Variants in RFC3 observed in about 807,000 individuals in gnomAD.
The protein encoded by RFC3 is A1 38 kDa subunit.
RFC3 carries 41 observed loss-of-function variants against 45.1 expected under a neutral mutation model. The ratio of observed to expected loss-of-function variants is 0.91; its 90% CI spans 0.71 to 1.18. The LOEUF (loss-of-function observed/expected upper bound fraction) is 1.18, where lower values mean the gene tolerates loss of function less well. Ranked by LOEUF, RFC3 falls within the 50% of genes most tolerant of loss-of-function variation. The pLI is 0.00. For synonymous variants in RFC3, 149 were observed against 144.0 expected (o/e 1.03, Z -0.25); for missense variants, 423 against 428.1 (o/e 0.99, Z 0.10).
chr13:33,912,189 T>C (rs2082707408), intron 8 of RFC3, among the ~76,000 whole-genome samples: 1 of 152,022 alleles, frequency 6.6e-6, no homozygotes, highest in Non-Finnish European at 1.5e-5. Context: ...GTTTTGCAGG[T>C]CCCAATTTCT....
At chr13:33,935,268 T>C (rs910628049) in intron 8 of RFC3, among the ~76,000 whole-genome samples, 2 of 152,198 alleles carry the variant, frequency 1.3e-5, no homozygotes, top group African/African-American at 4.8e-5. Flanking sequence ...TGCCATCAAC[T>C]TCCTAGTTAT....
chr13:33,914,117 G>A (rs2082719176), intron 8 of RFC3, among the ~76,000 whole-genome samples: 3 of 151,942 alleles, frequency 2.0e-5, no homozygotes, highest in African/African-American at 4.8e-5. Flanking sequence ...ATATTAAGGC[G>A]GTTCATGGTC....
chr13:33,827,223 A>G (rs2082058046), intron 4 of RFC3, among the ~76,000 whole-genome samples: 1 of 152,130 alleles, frequency 6.6e-6, no homozygotes, highest in Non-Finnish European at 1.5e-5. Flanking sequence ...CAGGAATTCA[A>G]GGTTGCAGTG....
chr13:33,898,266 T>G (rs942729738), intron 8 of RFC3, among the ~76,000 whole-genome samples: 2 of 151,958 alleles, frequency 1.3e-5, no homozygotes, highest in Non-Finnish European at 2.9e-5. Flanking sequence ...AACCATTAAA[T>G]AAGCCTCAAC....
rs879789468 is a variant in RFC3, at chr13:33,887,083, C to T, written c.879+51866C>T. On this transcript the variant is annotated intron_variant, in intron 8 of 8. Coordinates refer to the RFC3 transcript ENST00000434425. ...AAGTCTTTGCTATTGTGAATAGTGC[C>T]GCAATAAACATACGTGTGCATGTGT... is the stretch of plus-strand genomic sequence containing the variant. 1.0e-4 allele frequency among the ~76,000 whole-genome samples: 15 copies of T among 145,392 alleles called. 1 individual carries two copies. The East Asian group carries it at 1.6e-3, about 15-fold the overall frequency.
intron 8 of RFC3, among the ~76,000 whole-genome samples, chr13:33,903,911 A>C (rs935523858): frequency 6.6e-6 from 1 of 152,090 alleles, no homozygotes; most frequent in African/African-American, 2.4e-5. Flanking sequence ...GTCCAAAATT[A>C]TGCAAAGAAA....
downstream of RFC3, among the ~76,000 whole-genome samples, chr13:33,839,427 T>C (rs1326862789): frequency 1.3e-5 from 2 of 152,210 alleles, no homozygotes; most frequent in Admixed American, 6.5e-5. Flanking sequence ...CCTAAACTTA[T>C]AAAGCTACAT....
chr13:33,890,075 G>T (rs2082553987), intron 8 of RFC3, among the ~76,000 whole-genome samples: 1 of 152,108 alleles, frequency 6.6e-6, no homozygotes, highest in South Asian at 2.1e-4. Flanking sequence ...TGATGATGGA[G>T]ATAATGACTC....
At chr13:33,932,757 T>C (rs2082860588) in intron 8 of RFC3, among the ~76,000 whole-genome samples, 1 of 152,196 alleles carries the variant, frequency 6.6e-6, no homozygotes, top group Non-Finnish European at 1.5e-5. Context: ...AGTCTATGTA[T>C]TTTTTCTTGA....
chr13:33,825,762 A>G (rs966615450), intron 3 of RFC3, 27 bp from the exon 4 acceptor site: 16 of 1,381,634 alleles, frequency 1.2e-5, no homozygotes, highest in African/African-American at 5.8e-5. Flanking sequence ...AGGGCATACT[A>G]TATACCATTA....
chr13:33,829,780 A>G (rs1344174170), intron 4 of RFC3, 56 bp from the exon 5 acceptor site: 2 of 1,310,190 alleles, frequency 1.5e-6, no homozygotes, highest in Non-Finnish European at 2.2e-6. Flanking sequence ...AGAAAGAGAC[A>G]AGTTAAAGTT....
At chr13:33,885,060 A>G (rs1034360110) in intron 8 of RFC3, among the ~76,000 whole-genome samples, 3 of 152,170 alleles carry the variant, frequency 2.0e-5, no homozygotes, top group African/African-American at 7.2e-5. Context: ...AGACTGCCCT[A>G]TTGAACGGAG....
At chr13:33,929,003 C>T (rs2082835034) in intron 8 of RFC3, among the ~76,000 whole-genome samples, 1 of 152,068 alleles carries the variant, frequency 6.6e-6, no homozygotes, top group African/African-American at 2.4e-5. Flanking sequence ...TTGGCCTTTG[C>T]CCATTCTAAA....
At chr13:33,865,292 T>G (rs139039016) in intron 8 of RFC3, among the ~76,000 whole-genome samples, 83 of 152,264 alleles carry the variant, frequency 5.5e-4, no homozygotes, top group African/African-American at 1.9e-3. Flanking sequence ...TAAGGGGAAT[T>G]TGTTGCATGG....
chr13:33,838,515 G>A (rs116646350), downstream of RFC3, among the ~76,000 whole-genome samples: 1 of 152,242 alleles, frequency 6.6e-6, no homozygotes, highest in African/African-American at 2.4e-5. Context: ...AAGTTAGCCA[G>A]TAGTCTTGAG....
intron 4 of RFC3, 97 bp from the exon 5 acceptor site, chr13:33,829,739 T>C: frequency 2.1e-6 from 2 of 936,936 alleles, no homozygotes; most frequent in Admixed American, 1.8e-5. Context: ...AGGCTTATTA[T>C]TTAGGATTTC....
chr13:33,965,813 C>G (rs931656513), intron 8 of RFC3, among the ~76,000 whole-genome samples: 76 of 152,154 alleles, frequency 5.0e-4, no homozygotes, highest in Non-Finnish European at 8.8e-4. Context: ...TCTCTAAGCA[C>G]CTGGACAGGG....
intron 8 of RFC3, among the ~76,000 whole-genome samples, chr13:33,911,730 A>T (rs2082704817): frequency 6.6e-6 from 1 of 152,000 alleles, no homozygotes; most frequent in Non-Finnish European, 1.5e-5. Context: ...TTCCTTTGAG[A>T]ACTAGTCCTG....
At chr13:33,926,834 C>G (rs2082816885) in intron 8 of RFC3, among the ~76,000 whole-genome samples, 1 of 150,304 alleles carries the variant, frequency 6.7e-6, no homozygotes, top group Non-Finnish European at 1.5e-5. Flanking sequence ...ATGGTATAGG[C>G]CTATGCTTTG....
Sources: allele counts gnomAD v4.1 joint callset (sites outside exome capture counted in the v4.1 genomes callset), GRCh38; gene constraint gnomAD v4.1.1; transcripts MANE v1.5; gene names NCBI Gene and HGNC (gene_info 2026-07-23, HGNC 2026-07-21).